Variants in TRAF3IP2 observed in about 807,000 individuals in gnomAD.
TRAF3IP2 encodes TRAF3 interacting protein 2.
In TRAF3IP2, 35 loss-of-function variants were observed where a neutral mutation model predicts 57.9. The ratio of observed to expected loss-of-function variants is 0.60; its 90% CI spans 0.46 to 0.80. The LOEUF (loss-of-function observed/expected upper bound fraction) is 0.80. Among genes scored for constraint, TRAF3IP2 ranks in the 30% least tolerant of loss-of-function variants. The pLI, the probability that TRAF3IP2 is intolerant of heterozygous loss-of-function variation, is 0.00. For synonymous variants in TRAF3IP2, 251 were observed against 268.9 expected, an observed-to-expected ratio of 0.93 and a Z score of 0.65; for missense variants, 556 against 706.4, an observed-to-expected ratio of 0.79 and a Z score of 2.41.
intron 1 of TRAF3IP2, among the ~76,000 whole-genome samples, chr6:111,597,332 G>C (rs1726847939): frequency 6.6e-6 from 1 of 152,188 alleles, no homozygotes; most frequent in African/African-American, 2.4e-5. Flanking sequence ...TCTGCTCTTA[G>C]ATTCCAGGCA....
At chr6:111,596,814 GTA>G (rs1796706429) in intron 1 of TRAF3IP2, among the ~76,000 whole-genome samples, 1 of 152,002 alleles carries the variant, frequency 6.6e-6, no homozygotes, top group African/African-American at 2.4e-5. Context: ...ACCCAAACTG[GTA>G]TTGAACTCTT....
In TRAF3IP2 at chr6:111,575,841, C is replaced by T; in HGVS notation, c.1023-20G>A. The T allele has an allele frequency of 1.9e-6, 3 of 1,602,842 alleles. No homozygotes were observed. Among genetic ancestry groups the T allele is most frequent in the Non-Finnish European group, 2.6e-6 (3 of 1,176,244 alleles). On this transcript the variant is annotated intron_variant, in intron 3 of 8. Transcript: ENST00000368761. Reference sequence around the variant, plus strand: ...TGGTCCCTAGAAAGGAATACATTTACAGTCAATTTTCATTCTTTACAAAGG... The same window carrying T: ...TGGTCCCTAGAAAGGAATACATTTATAGTCAATTTTCATTCTTTACAAAGG...
chr6:111,559,925 A>G (rs1156369925), intron 8 of TRAF3IP2, among the ~76,000 whole-genome samples: 1 of 152,206 alleles, frequency 6.6e-6, no homozygotes, highest in Non-Finnish European at 1.5e-5. Context: ...GTAGGCTTAA[A>G]TCAATTCATT....
intron 6 of TRAF3IP2, 50 bp from the exon 7 acceptor site, chr6:111,566,610 C>T: frequency 6.6e-7 from 1 of 1,521,150 alleles, no homozygotes; most frequent in Non-Finnish European, 9.1e-7. Context: ...ACCAGCAGGA[C>T]TGTGGGCATT....
intron 7 of TRAF3IP2, among the ~76,000 whole-genome samples, chr6:111,564,932 A>G (rs185972217): frequency 1.5e-4 from 23 of 152,282 alleles, no homozygotes; most frequent in African/African-American, 5.3e-4. Flanking sequence ...GGCCATGCAG[A>G]CATGCATCAG....
intron 3 of TRAF3IP2, chr6:111,576,783 A>G (rs1205769834): frequency 6.6e-6 from 1 of 152,190 alleles, no homozygotes; most frequent in Non-Finnish European, 1.5e-5. Context: ...AAATGTGACA[A>G]TATGTTAACA....
rs961065711 is a variant in TRAF3IP2, at chr6:111,555,767, C to T, written c.*3638G>A. ...GGACCAGCATAACATCTAAATCAAC[C>T]GAGTGTTAATCTTATTGTCAGTGCT... On this transcript the variant is annotated 3_prime_UTR_variant, in exon 9 of 9. Transcript: ENST00000368761. Among the ~76,000 whole-genome samples the T allele has an allele frequency of 1.3e-5, 2 of 152,124 alleles. No homozygotes were observed. The highest frequency in any genetic ancestry group is 2.9e-5 in the Non-Finnish European group (2 of 68,026).
At chr6:111,602,500 A>G (rs1330990803) in intron 1 of TRAF3IP2, among the ~76,000 whole-genome samples, 3 of 152,136 alleles carry the variant, frequency 2.0e-5, no homozygotes, top group Admixed American at 6.5e-5. Context: ...AACGGAAGAG[A>G]AGTAAGGAAA....
At chr6:111,598,116 C>G in intron 1 of TRAF3IP2, 2 of 336,222 alleles carry the variant, frequency 5.9e-6, no homozygotes, top group South Asian at 4.7e-5. Context: ...CTCAGAACCC[C>G]TCTCTGAGGC....
chr6:111,561,095 T>C (rs771644807), intron 8 of TRAF3IP2, among the ~76,000 whole-genome samples: 5 of 151,702 alleles, frequency 3.3e-5, no homozygotes, highest in South Asian at 2.1e-4. Context: ...GGCAGGAGAA[T>C]TGCTTGAACC....
At chr6:111,582,585 C>G (rs1019794636) in intron 2 of TRAF3IP2, among the ~76,000 whole-genome samples, 3 of 152,126 alleles carry the variant, frequency 2.0e-5, no homozygotes, top group Non-Finnish European at 4.4e-5. Flanking sequence ...GGGTCCAGAT[C>G]ACCAGTTGCA....
rs150376094 is a variant in TRAF3IP2, at chr6:111,595,537, A to G, written c.-8-3443T>C. On this transcript the variant is annotated intron_variant, in intron 1 of 8. Transcript: ENST00000368761. ...GTGATACAAACTTCAAGAGGTACCAAAGGGTATGCATGCCGGGCGCCGTGA... is the reference window on the plus strand; with the variant it reads ...GTGATACAAACTTCAAGAGGTACCAGAGGGTATGCATGCCGGGCGCCGTGA... Among the ~76,000 whole-genome samples the G allele has an allele frequency of 3.1e-3, 469 of 152,248 alleles. 3 individuals are homozygous for G. The highest frequency in any genetic ancestry group is 0.011 in the African/African-American group (441 of 41,556).
intron 5 of TRAF3IP2, 189 bp downstream of exon 5, chr6:111,572,706 G>T: frequency 1.7e-6 from 1 of 591,634 alleles, no homozygotes; most frequent in Non-Finnish European, 3.0e-6. Context: ...GGAAAAAAAT[G>T]CTGGAGACTT....
At chr6:111,568,828 G>T (rs961148532) in intron 5 of TRAF3IP2, among the ~76,000 whole-genome samples, 1 of 152,096 alleles carries the variant, frequency 6.6e-6, no homozygotes, top group South Asian at 2.1e-4. Context: ...TAAAGGCACA[G>T]CACAAACCCC....
At chr6:111,579,275 C>G (rs1460918409) in intron 3 of TRAF3IP2, among the ~76,000 whole-genome samples, 3 of 133,402 alleles carry the variant, frequency 2.2e-5, no homozygotes, top group Non-Finnish European at 1.5e-5. Flanking sequence ...CAAGATCATA[C>G]CACTGCACTC....
intron 4 of TRAF3IP2, 150 bp from the exon 5 acceptor site, chr6:111,573,133 T>C (rs1034358366): frequency 2.6e-5 from 17 of 647,866 alleles, no homozygotes; most frequent in Non-Finnish European, 3.7e-5. Context: ...GCCTACGTTG[T>C]ATGCTGTCCT....
chr6:111,605,624 A>G (rs1170021842), intron 1 of TRAF3IP2, among the ~76,000 whole-genome samples, 152 bp downstream of exon 1: 1 of 152,204 alleles, frequency 6.6e-6, no homozygotes, highest in Non-Finnish European at 1.5e-5. Flanking sequence ...CTCAGCTAAG[A>G]TGGTCTCTGT....
rs539009903 is a variant in TRAF3IP2, at chr6:111,564,245, CATAAG to C, written c.1477-1211_1477-1207del. On this transcript the variant is annotated intron_variant, in intron 7 of 8. Transcript: ENST00000368761. Reference sequence around the variant, plus strand: ...TTCGGAACCACCTCTCTCTAAAAACCATAAGATAACACCAAGAACATATTTTAAAA... The same window carrying C: ...TTCGGAACCACCTCTCTCTAAAAACCATAACACCAAGAACATATTTTAAAA... 7.2e-5 allele frequency among the ~76,000 whole-genome samples: 11 copies of C among 152,226 alleles called. No individual in the cohort carries two copies. The South Asian group carries it at 2.3e-3, about 32-fold the overall frequency.
chr6:111,591,274 G>A lies in TRAF3IP2; in HGVS notation c.813C>T (p.Pro271=), dbSNP rs370730037. 61 of 1,485,444 alleles carry A rather than the reference G, an allele frequency of 4.1e-5. No individual in the cohort carries two copies. Among genetic ancestry groups the A allele is most frequent in the East Asian group, 1.4e-4 (6 of 43,546 alleles). The allele number at this position is 1,485,444 out of a possible 1,614,324, so 92.0% of individuals were successfully genotyped here. ...ATCACTTACATGGCACCTGGTGATC[G>A]GGACTTCCAGGACAATGGTAATGAT... ...WNYHYHCPGS[P]DHQVPYGHDY... is the part of the protein sequence containing the mutation. The change falls in exon 2 of 9, where the codon CCC becomes CCT. Residue 271 remains proline (P), a synonymous_variant. Coordinates refer to ENST00000368761, the MANE Select transcript of TRAF3IP2 (RefSeq NM_147686.4). The surrounding 1 kb of genome is among the most constrained non-coding windows in gnomAD (Gnocchi z 4.9).
Sources: allele counts gnomAD v4.1 joint callset (sites outside exome capture counted in the v4.1 genomes callset), GRCh38; gene constraint gnomAD v4.1.1; non-coding constraint Gnocchi (gnomAD v3.1); transcripts MANE v1.5; gene names NCBI Gene and HGNC (gene_info 2026-07-23, HGNC 2026-07-21).